Variants in TAB1 observed in about 807,000 individuals in gnomAD.
TAB1 encodes TGF-beta-activated kinase 1 and MAP3K7-binding protein 1.
TAB1 carries 30 observed loss-of-function variants against 54.5 expected under a neutral mutation model. The ratio of observed to expected loss-of-function variants is 0.55; its 90% CI spans 0.41 to 0.75. TAB1 has a LOEUF of 0.75. TAB1 is among the 30% of genes least tolerant of loss of function. The probability of loss-of-function intolerance (pLI) is 0.00; values close to 1 mark genes in which losing one functional copy is unlikely to be tolerated. For synonymous variants in TAB1, 289 were observed against 286.9 expected, an observed-to-expected ratio of 1.01 and a Z score of -0.07; for missense variants, 609 against 683.2, an observed-to-expected ratio of 0.89 and a Z score of 1.21.
downstream of TAB1, chr22:39,432,912 G>A: frequency 4.1e-6 from 4 of 985,462 alleles, no homozygotes; most frequent in Non-Finnish European, 3.6e-6. Context: ...TCGGGAATGG[G>A]TTTGAGGACT....
At chr22:39,407,646 C>T (rs1163470738) in intron 1 of TAB1, among the ~76,000 whole-genome samples, 10 of 152,018 alleles carry the variant, frequency 6.6e-5, no homozygotes, top group East Asian at 5.8e-4. Context: ...CCACCACGCC[C>T]GGCTAATTTT....
rs1057220064 is a variant in TAB1, at chr22:39,411,107, G to GA, written c.34-3889dup. Among the ~76,000 whole-genome samples the GA allele has an allele frequency of 8.5e-4, 125 of 146,870 alleles. 1 individual carries two copies. The highest frequency in any genetic ancestry group is 1.1e-3 in the Non-Finnish European group (72 of 66,306). ...TGTTGGAATGATTGGATATTGGAAT[G>GA]AAAAAAAAAATGGACCTAAACCTCC... On this transcript the variant is annotated intron_variant, in intron 1 of 10. Transcript: ENST00000216160.
At chr22:39,416,362 G>A (rs886749608) in intron 3 of TAB1, among the ~76,000 whole-genome samples, 2 of 152,238 alleles carry the variant, frequency 1.3e-5, no homozygotes, top group African/African-American at 4.8e-5. Context: ...GCTGTCATAG[G>A]CCTGGCAGTT....
At chr22:39,436,680 GC>G, downstream of TAB1, 1 of 888,412 alleles carries the variant, frequency 1.1e-6, no homozygotes, top group Non-Finnish European at 1.8e-6. Context: ...GCCAGGCCCC[GC>G]CCCCTCCCCG....
Position 39,417,384 on chromosome 22 carries a change from G to A in TAB1, c.412-327G>A, listed in dbSNP as rs572349250. Among the ~76,000 whole-genome samples, 448 of 152,344 alleles carry A rather than the reference G, an allele frequency of 2.9e-3. 5 individuals are homozygous for A. The highest frequency in any genetic ancestry group is 4.1e-3 in the Non-Finnish European group (280 of 68,026). ...GCCTGTAATCCCAGCACCTTGGGAG[G>A]CCGAGGCGGGCGGATCACAAGGTCA... On this transcript the variant is annotated intron_variant, in intron 4 of 10. Coordinates refer to ENST00000216160, the MANE Select transcript of TAB1 (RefSeq NM_006116.3).
Position 39,430,145 on chromosome 22 carries a change from C to A in TAB1, c.1438C>A (p.Pro480Thr). 6.2e-7 allele frequency: 1 copy of A among 1,614,026 alleles called. No individual in the cohort carries two copies. The highest frequency in any genetic ancestry group is 8.5e-7 in the Non-Finnish European group (1 of 1,180,048). The change falls in exon 11 of 11, where the codon CCC (proline) becomes ACC (threonine). Residue 480 changes from proline to threonine, a missense_variant. Physicochemically the swap from Pro to Thr is conservative, Grantham distance 38. Transcript: ENST00000216160. Reference sequence around the variant, plus strand: ...GCCTGGCGAGGACGGTCGTGTTGAGCCCTATGTGGACTTTGCTGAGTTTTA... The same window carrying A: ...GCCTGGCGAGGACGGTCGTGTTGAGACCTATGTGGACTTTGCTGAGTTTTA... ...LPPGEDGRVE[P>T]YVDFAEFYRL...
At chr22:39,399,933 C>T (rs981994141) in intron 1 of TAB1, 98 bp downstream of exon 1, 2 of 1,344,882 alleles carry the variant, frequency 1.5e-6, no homozygotes, top group Non-Finnish European at 2.1e-6. Context: ...TGGACAGCCA[C>T]CCTCTCCGTG....
At chr22:39,414,939 A>G (rs1342591322) in intron 1 of TAB1, 67 bp from the exon 2 acceptor site, 3 of 1,597,400 alleles carry the variant, frequency 1.9e-6, no homozygotes, top group Non-Finnish European at 1.7e-6. Flanking sequence ...TGCAGAAGGA[A>G]TAGGTGAAGT....
chr22:39,436,797 G>T, downstream of TAB1: 1 of 570,006 alleles, frequency 1.8e-6, no homozygotes, highest in Non-Finnish European at 3.1e-6. Context: ...TCTTTCCAGG[G>T]ACTTATCCCC....
chr22:39,435,444 C>G (rs1186698342), downstream of TAB1, among the ~76,000 whole-genome samples: 3 of 152,092 alleles, frequency 2.0e-5, no homozygotes, highest in Non-Finnish European at 4.4e-5. Context: ...GCCTTCACTC[C>G]CGCGGCCCTC....
At chr22:39,406,490 T>C (rs34546629) in intron 1 of TAB1, among the ~76,000 whole-genome samples, 7,009 of 151,938 alleles carry the variant, frequency 0.046, 221 homozygotes, top group Middle Eastern at 0.068. Context: ...ATCATGGGCC[T>C]CTGGCCCTAG....
rs879051551 is a variant in TAB1, at chr22:39,414,806, A to G, written c.34-200A>G. The G allele has an allele frequency of 5.3e-6, 3 of 565,632 alleles. No individual in the cohort carries two copies. The South Asian group carries it at 6.7e-5, about 13-fold the overall frequency. 35.0% of individuals were successfully genotyped at this position (565,632 alleles called of 1,614,324 possible). Reference sequence around the variant, plus strand: ...GGAGTCTCAGTTTTCCTGGGAAACAAGTTTGTAGACTAGCCATAAAAACAG... The same window carrying G: ...GGAGTCTCAGTTTTCCTGGGAAACAGGTTTGTAGACTAGCCATAAAAACAG... On this transcript the variant is annotated intron_variant, in intron 1 of 10. Transcript: ENST00000216160.
In TAB1 at chr22:39,428,065, G is replaced by T; in HGVS notation, c.1189G>T (p.Ala397Ser). The change falls in exon 10 of 11, where the codon GCC (alanine) becomes TCC (serine). Residue 397 changes from alanine to serine, a missense_variant. Physicochemically the swap from Ala to Ser is moderately conservative, Grantham distance 99. Coordinates refer to ENST00000216160, the MANE Select transcript of TAB1 (RefSeq NM_006116.3). ...CCCTGTGTCTGTGCCATACTCCAGC[G>T]CCCAGAGCACCAGCAAGACCAGCGT... ...VYPVSVPYSSAQSTSKTSVTL... is the reference protein window; with the variant it reads ...VYPVSVPYSSSQSTSKTSVTL... 1 of 1,613,398 alleles carries T rather than the reference G, an allele frequency of 6.2e-7. No individual in the cohort carries two copies. Among genetic ancestry groups the T allele is most frequent in the Non-Finnish European group, 8.5e-7 (1 of 1,179,468 alleles).
At chr22:39,436,685 C>G, downstream of TAB1, 1 of 820,816 alleles carries the variant, frequency 1.2e-6, no homozygotes, top group Non-Finnish European at 2.0e-6. Context: ...GCCCCGCCCC[C>G]TCCCCGGGAC....
At chr22:39,426,061 G>A (rs1191114208) in intron 8 of TAB1, among the ~76,000 whole-genome samples, 1 of 151,638 alleles carries the variant, frequency 6.6e-6, no homozygotes, top group African/African-American at 2.4e-5. Context: ...GTTTCAACAT[G>A]TTGGCCAAGC....
chr22:39,436,510 G>A, downstream of TAB1: 1 of 1,614,096 alleles, frequency 6.2e-7, no homozygotes, highest in Middle Eastern at 1.6e-4. Flanking sequence ...AGGCCTGCAA[G>A]CGATTTGACA....
intron 7 of TAB1, among the ~76,000 whole-genome samples, chr22:39,420,818 T>TGTGTGTG (rs1569199244): frequency 2.1e-5 from 3 of 144,908 alleles, no homozygotes; most frequent in Non-Finnish European, 4.6e-5. Flanking sequence ...TGTGTGTGTG[T>TGTGTGTG]TTGTCCTGGG....
At chr22:39,427,010 A>G (rs4821895) in intron 9 of TAB1, 85 bp downstream of exon 9, 986,226 of 1,388,916 alleles carry the variant, frequency 0.71, 352,797 homozygotes, top group East Asian at 0.95. Context: ...GCTGCTTGAA[A>G]CGGAGATGGA....
chr22:39,430,740 C>A lies in TAB1; in HGVS notation c.*518C>A, dbSNP rs1196353741. 9.8e-7 allele frequency: 1 copy of A among 1,018,590 alleles called. No homozygotes were observed. Among genetic ancestry groups the A allele is most frequent in the Non-Finnish European group, 1.2e-6 (1 of 848,012 alleles). The allele number at this position is 1,018,590 out of a possible 1,614,324, so 63.1% of individuals were successfully genotyped here. ...GCTGGTGTCCGCATCTGTCCCTGGG[C>A]CCCACCCCTGGACCTGCCTTGGTTG... On this transcript the variant is annotated 3_prime_UTR_variant, in exon 11 of 11. Coordinates refer to ENST00000216160, the MANE Select transcript of TAB1 (RefSeq NM_006116.3).
Sources: allele counts gnomAD v4.1 joint callset (sites outside exome capture counted in the v4.1 genomes callset), GRCh38; gene constraint gnomAD v4.1.1; transcripts MANE v1.5; gene names NCBI Gene and HGNC (gene_info 2026-07-23, HGNC 2026-07-21).